The following DOK6 variants were observed in gnomAD, a reference collection of about 807,000 sequenced individuals.
DOK6 encodes the protein downstream of tyrosine kinase 6.
Under a neutral mutation model 44.0 loss-of-function variants are expected in DOK6, and 22 were observed. The ratio of observed to expected loss-of-function variants is 0.50; its 90% CI spans 0.36 to 0.71. The LOEUF (loss-of-function observed/expected upper bound fraction) is 0.71, where lower values mean the gene tolerates loss of function less well. DOK6 is among the 30% of genes least tolerant of loss of function. DOK6 has a pLI of 0.00. For synonymous variants in DOK6, 166 were observed against 145.5 expected (o/e 1.14, Z -1.01); for missense variants, 340 against 416.4 (o/e 0.82, Z 1.60).
chr18:69,713,626 TTCTTTATATTTAAGTAA>T (rs1193064336), intron 5 of DOK6, among the ~76,000 whole-genome samples: 1 of 152,204 alleles, frequency 6.6e-6, no homozygotes, highest in Non-Finnish European at 1.5e-5. Context: ...TATTTTTCTG[TTCTTTATATTTAAGTAA>T]AACGGCCTCT....
intron 7 of DOK6, among the ~76,000 whole-genome samples, chr18:69,801,279 A>T (rs1980899241): frequency 6.6e-6 from 1 of 152,170 alleles, no homozygotes; most frequent in Admixed American, 6.6e-5. Flanking sequence ...TGTCTGTAGC[A>T]TAATTAATAT....
chr18:69,512,972 G>A (rs1981414689), intron 1 of DOK6, among the ~76,000 whole-genome samples: 1 of 152,106 alleles, frequency 6.6e-6, no homozygotes, highest in African/African-American at 2.4e-5. Context: ...CACTGGAGAT[G>A]AATGTTAGCT....
chr18:69,538,153 T>C (rs1982171484), intron 1 of DOK6, among the ~76,000 whole-genome samples: 1 of 152,164 alleles, frequency 6.6e-6, no homozygotes, highest in South Asian at 2.1e-4. Flanking sequence ...CAACTGCATT[T>C]TGAGAATAGA....
At chr18:69,826,631 T>G (rs1484848720) in intron 7 of DOK6, among the ~76,000 whole-genome samples, 1 of 152,176 alleles carries the variant, frequency 6.6e-6, no homozygotes, top group Non-Finnish European at 1.5e-5. Context: ...TCTGATCTCT[T>G]ACTTTCTATT....
chr18:69,506,854 G>T (rs1262704727), intron 1 of DOK6, among the ~76,000 whole-genome samples: 1 of 150,958 alleles, frequency 6.6e-6, no homozygotes, highest in African/African-American at 2.4e-5. Flanking sequence ...AATTTGCATT[G>T]CTTCACACCT....
chr18:69,527,946 G>A (rs914138648), intron 1 of DOK6, among the ~76,000 whole-genome samples: 13 of 152,066 alleles, frequency 8.5e-5, no homozygotes, highest in Non-Finnish European at 1.3e-4. Context: ...GGCGGATCAC[G>A]AGGTCAGGAG....
chr18:69,779,300 G>C (rs1401494815), intron 7 of DOK6, among the ~76,000 whole-genome samples: 1 of 151,852 alleles, frequency 6.6e-6, no homozygotes, highest in Non-Finnish European at 1.5e-5. Flanking sequence ...GTGGCTAAAC[G>C]TACTTAGATG....
rs113206865 is a variant in DOK6, at chr18:69,524,807, A to G, written c.67-39680A>G. Among the ~76,000 whole-genome samples the G allele has an allele frequency of 3.1e-3, 467 of 151,998 alleles. 2 individuals carry two copies. The highest frequency in any genetic ancestry group is 0.011 in the African/African-American group (441 of 41,544). On this transcript the variant is annotated intron_variant, in intron 1 of 7. Transcript: ENST00000382713. The stretch of plus-strand genomic sequence containing the variant: ...CCAGTAGCCTATAATCATTAAACAA[A>G]TTTTTGATTTGTTTGTTTATAGAAA...
intron 1 of DOK6, among the ~76,000 whole-genome samples, chr18:69,435,095 G>GA (rs1978939999): frequency 6.7e-6 from 1 of 148,224 alleles, no homozygotes; most frequent in Non-Finnish European, 1.5e-5. Flanking sequence ...AGGAAGGAAA[G>GA]AAGGAAGAAA....
rs1259463887 is a variant in DOK6, at chr18:69,712,320, AAAAAAAT to A, written c.599+13728_599+13734del. On this transcript the variant is annotated intron_variant, in intron 5 of 7. Transcript: ENST00000382713. ...AAAAAAAAAAAAAAAAAAAAAAAAA[AAAAAAAT>A]TTAACCTTTTCCGAATCACATTTGT... is the stretch of plus-strand genomic sequence containing the variant. Among the ~76,000 whole-genome samples, 297 of 67,206 alleles carry A rather than the reference AAAAAAAT, an allele frequency of 4.4e-3. 55 individuals carry two copies. Among genetic ancestry groups the A allele is most frequent in the Admixed American group, 5.5e-3 (30 of 5,424 alleles). 44.1% of individuals were successfully genotyped at this position (67,206 alleles called of 152,430 possible).
chr18:69,521,652 G>A (rs1460943142), intron 1 of DOK6, among the ~76,000 whole-genome samples: 1 of 151,840 alleles, frequency 6.6e-6, no homozygotes, highest in African/African-American at 2.4e-5. Context: ...ACAGAGTAGA[G>A]AATCTATGGG....
At chr18:69,689,634 G>A (rs1986222683) in intron 4 of DOK6, among the ~76,000 whole-genome samples, 1 of 152,048 alleles carries the variant, frequency 6.6e-6, no homozygotes, top group African/African-American at 2.4e-5. Flanking sequence ...TTGCTCCAGT[G>A]ATTCAGATTT....
intron 1 of DOK6, among the ~76,000 whole-genome samples, chr18:69,456,666 A>G (rs1315134916): frequency 1.3e-5 from 2 of 152,216 alleles, no homozygotes; most frequent in African/African-American, 2.4e-5. Flanking sequence ...GTCTATACCC[A>G]TGAATGGGAT....
chr18:69,735,120 A>G (rs934373403), intron 5 of DOK6, among the ~76,000 whole-genome samples: 2 of 152,132 alleles, frequency 1.3e-5, no homozygotes, highest in African/African-American at 2.4e-5. Flanking sequence ...GTTATTTTTT[A>G]TTTGTTAGAA....
rs76770065 is a variant in DOK6, at chr18:69,638,303, A to G, written c.289+38805A>G. 5.1e-3 allele frequency among the ~76,000 whole-genome samples: 781 copies of G among 152,326 alleles called. 4 individuals are homozygous for G. Among genetic ancestry groups the G allele is most frequent in the African/African-American group, 0.018 (738 of 41,570 alleles). On this transcript the variant is annotated intron_variant, in intron 3 of 7. Coordinates refer to ENST00000382713, the MANE Select transcript of DOK6 (RefSeq NM_152721.6). ...AGTTTGCCAACCCTTCCTGTAGAGC[A>G]CTTTGCCATACACTTGCCTGATTAT...
At chr18:69,565,561 A>C (rs1160167347) in intron 2 of DOK6, among the ~76,000 whole-genome samples, 2 of 150,420 alleles carry the variant, frequency 1.3e-5, no homozygotes, top group African/African-American at 4.9e-5. Flanking sequence ...TTTAAATATA[A>C]ATAGACATTG....
Position 69,757,885 on chromosome 18 carries a change from T to C in DOK6, c.856+12T>C. 9 of 1,609,420 alleles carry C rather than the reference T, an allele frequency of 5.6e-6. No individual in the cohort carries two copies. Among genetic ancestry groups the C allele is most frequent in the Non-Finnish European group, 7.7e-6 (9 of 1,175,734 alleles). On this transcript the variant is annotated intron_variant, in intron 7 of 7. Coordinates refer to ENST00000382713, the MANE Select transcript of DOK6 (RefSeq NM_152721.6). Reference sequence around the variant, plus strand: ...CTACAGTTTGCAAGGCAAGTCACTTTAATGTAAGAAAGCAGTGCCTCCATA... The same window carrying C: ...CTACAGTTTGCAAGGCAAGTCACTTCAATGTAAGAAAGCAGTGCCTCCATA...
rs144796543 is a variant in DOK6 at position 69,758,305 on chromosome 18, C to T, written c.856+432C>T. Among the ~76,000 whole-genome samples the T allele has an allele frequency of 2.6e-3, 390 of 152,214 alleles. 1 individual carries two copies. The highest frequency in any genetic ancestry group is 4.6e-3 in the Non-Finnish European group (312 of 68,024). On this transcript the variant is annotated intron_variant, in intron 7 of 7. Coordinates refer to ENST00000382713, the MANE Select transcript of DOK6 (RefSeq NM_152721.6). ...TGCCATAAACTGGTATATAAACCTA[C>T]CCATGAAAGTCTTAAAGTTTAGTCA...
At chr18:69,772,024 A>C (rs576908503) in intron 7 of DOK6, among the ~76,000 whole-genome samples, 9 of 151,858 alleles carry the variant, frequency 5.9e-5, no homozygotes, top group African/African-American at 2.2e-4. Flanking sequence ...AAAAAAAAAA[A>C]AAATGGCTTT....
Sources: allele counts gnomAD v4.1 joint callset (sites outside exome capture counted in the v4.1 genomes callset), GRCh38; gene constraint gnomAD v4.1.1; transcripts MANE v1.5; gene names NCBI Gene and HGNC (gene_info 2026-07-23, HGNC 2026-07-21).